Variants in MYBPC1 observed in about 807,000 individuals in gnomAD.
MYBPC1 encodes myosin-binding protein C, slow-type.
MYBPC1 carries 52 observed loss-of-function variants against 147.1 expected under a neutral mutation model. That is an observed-to-expected ratio of 0.35 (90% CI 0.28 to 0.45). The LOEUF (loss-of-function observed/expected upper bound fraction) is 0.45. MYBPC1 is among the 20% of genes least tolerant of loss of function. MYBPC1 has a pLI of 1.00. For synonymous variants in MYBPC1, 477 were observed against 475.9 expected (o/e 1.00, Z -0.03); for missense variants, 1,228 against 1,440.3 (o/e 0.85, Z 2.39).
intron 14 of MYBPC1, among the ~76,000 whole-genome samples, chr12:101,648,367 C>T (rs1179593150): frequency 2.0e-5 from 3 of 152,152 alleles, no homozygotes; most frequent in South Asian, 2.1e-4. Context: ...TGGGTAAGCA[C>T]GTAGGGAAGT....
At position 101,662,380 on chromosome 12, in the gene MYBPC1, G is replaced by A. The variant is rs1896720486; in HGVS notation, c.2055G>A (p.Lys685=). The A allele has an allele frequency of 7.4e-6, 12 of 1,614,036 alleles. No homozygotes were observed. Among genetic ancestry groups the A allele is most frequent in the Non-Finnish European group, 1.0e-5 (12 of 1,180,022 alleles). Residue 685 remains lysine, a synonymous_variant, in exon 21 of 32, where the codon AAG becomes AAA. Coordinates refer to ENST00000361466, the MANE Select transcript of MYBPC1 (RefSeq NM_002465.4). ...PILGYFIERK[K]KQSSRWMRLN... ...CAGGATATTTTATTGAGAGGAAGAA[G>A]AAACAAAGCTCCAGGTGGATGAGGC...
intron 3 of MYBPC1, 152 bp downstream of exon 3, chr12:101,617,395 T>C: frequency 2.7e-6 from 2 of 744,562 alleles, no homozygotes; most frequent in Non-Finnish European, 4.6e-6. Flanking sequence ...ATCAGTATAA[T>C]GACAAATGGT....
At chr12:101,607,915 A>G (rs1481533942) in intron 1 of MYBPC1, among the ~76,000 whole-genome samples, 1 of 152,238 alleles carries the variant, frequency 6.6e-6, no homozygotes, top group Non-Finnish European at 1.5e-5. Flanking sequence ...GATCATTGAA[A>G]ATAGAAATGG....
chr12:101,667,732 C>T lies in MYBPC1; in HGVS notation c.2357C>T (p.Thr786Ile). The change falls in exon 23 of 32, where the codon ACT becomes ATT. Residue 786 changes from threonine to isoleucine, a missense_variant and splice_region_variant. Transcript: ENST00000361466. The part of the protein sequence containing the change: ...GYVLEYCFEG[T>I]EDWIVANKDL... ...TTTCCTTTTCTTTTACGGACTTCAG[C>T]TGAGGACTGGATAGTTGCAAACAAA... is the stretch of plus-strand genomic sequence containing the variant. The T allele has an allele frequency of 6.2e-7, 1 of 1,614,132 alleles. No homozygotes were observed. The highest frequency in any genetic ancestry group is 8.5e-7 in the Non-Finnish European group (1 of 1,180,018).
chr12:101,621,015 T>C (rs1887248330), intron 3 of MYBPC1, among the ~76,000 whole-genome samples: 1 of 152,154 alleles, frequency 6.6e-6, no homozygotes, highest in Non-Finnish European at 1.5e-5. Context: ...GATGAGGAAG[T>C]GAGTCAGCAG....
chr12:101,687,081 A>G (rs780025375), downstream of MYBPC1, among the ~76,000 whole-genome samples: 1 of 151,694 alleles, frequency 6.6e-6, no homozygotes, highest in Non-Finnish European at 1.5e-5. Context: ...ATATATATAT[A>G]TTTTTATTAT....
At chr12:101,658,809 G>A (rs1392661960) in intron 18 of MYBPC1, among the ~76,000 whole-genome samples, 1 of 152,210 alleles carries the variant, frequency 6.6e-6, no homozygotes, top group Non-Finnish European at 1.5e-5. Context: ...TTCTTACTGT[G>A]ATCACAATCT....
chr12:101,636,804 A>T, intron 10 of MYBPC1, 76 bp downstream of exon 10: 1 of 1,199,326 alleles, frequency 8.3e-7, no homozygotes, highest in Non-Finnish European at 1.2e-6. Flanking sequence ...GTCAAGTTTA[A>T]AGTGGATGTT....
chr12:101,682,696 C>T, intron 30 of MYBPC1, 34 bp downstream of exon 30: 1 of 1,558,442 alleles, frequency 6.4e-7, no homozygotes, highest in Non-Finnish European at 8.8e-7. Context: ...GGATATTCTA[C>T]TTTCCGTTCC....
At chr12:101,626,149 A>G (rs548735867) in intron 3 of MYBPC1, among the ~76,000 whole-genome samples, 10 of 150,352 alleles carry the variant, frequency 6.7e-5, no homozygotes, top group Admixed American at 6.6e-4. Context: ...TCAATTAGGT[A>G]GGCTGACTAA....
chr12:101,676,643 C>T (rs113806883), intron 26 of MYBPC1, among the ~76,000 whole-genome samples: 7,839 of 151,556 alleles, frequency 0.052, 231 homozygotes, highest in South Asian at 0.15. Flanking sequence ...CCCAGTTACT[C>T]GGGAGGCTGA....
intron 18 of MYBPC1, among the ~76,000 whole-genome samples, chr12:101,659,466 T>A (rs1024914995): frequency 6.6e-6 from 1 of 152,194 alleles, no homozygotes; most frequent in Admixed American, 6.5e-5. Flanking sequence ...TAATACCTTG[T>A]CATTAGAGTT....
chr12:101,646,906 A>C lies in MYBPC1; in HGVS notation c.1090+19A>C. The C allele has an allele frequency of 6.2e-7, 1 of 1,613,920 alleles. No homozygotes were observed. Among genetic ancestry groups the C allele is most frequent in the Non-Finnish European group, 8.5e-7 (1 of 1,179,816 alleles). ...GTAAGAGGTAAAAATGAAATCTCTT[A>C]TTGTGGTCACCAGGAGCTGTTGGCT... On this transcript the variant is annotated intron_variant, in intron 13 of 31. Coordinates refer to ENST00000361466, the MANE Select transcript of MYBPC1 (RefSeq NM_002465.4).
chr12:101,667,195 A>T (rs1039506200), intron 22 of MYBPC1, among the ~76,000 whole-genome samples: 2 of 152,244 alleles, frequency 1.3e-5, no homozygotes, highest in African/African-American at 4.8e-5. Context: ...TCTTTGTGAA[A>T]TAAGCTTTTT....
At chr12:101,679,274 G>A (rs147273974) in intron 28 of MYBPC1, among the ~76,000 whole-genome samples, 1 of 152,358 alleles carries the variant, frequency 6.6e-6, no homozygotes, top group African/African-American at 2.4e-5. Flanking sequence ...GAAGCAGATG[G>A]AGAGGTTCAC....
intron 1 of MYBPC1, among the ~76,000 whole-genome samples, chr12:101,599,196 T>C (rs1878781774): frequency 6.6e-6 from 1 of 152,174 alleles, no homozygotes; most frequent in Non-Finnish European, 1.5e-5. Flanking sequence ...AGCAAAGGCA[T>C]GGCTTTGTTA....
intron 28 of MYBPC1, 148 bp downstream of exon 28, chr12:101,678,386 G>A (rs946733485): frequency 4.2e-6 from 5 of 1,188,120 alleles, no homozygotes; most frequent in African/African-American, 3.0e-5. Context: ...AGATTATTAG[G>A]CACACTATTC....
At chr12:101,643,085 A>G (rs1203928352) in intron 11 of MYBPC1, among the ~76,000 whole-genome samples, 1 of 152,196 alleles carries the variant, frequency 6.6e-6, no homozygotes, top group East Asian at 1.9e-4. Context: ...AAAAGGAGAG[A>G]AAGGAATACA....
chr12:101,623,397 C>G (rs1887879518), intron 3 of MYBPC1, among the ~76,000 whole-genome samples: 1 of 152,136 alleles, frequency 6.6e-6, no homozygotes, highest in Non-Finnish European at 1.5e-5. Flanking sequence ...ATGTAACAAA[C>G]CATCACATGT....
Sources: gnomAD v4.1 joint callset for allele counts (sites outside exome capture counted in the v4.1 genomes callset) on GRCh38, gnomAD v4.1.1 for gene constraint, MANE v1.5 for transcripts, NCBI Gene and HGNC (gene_info 2026-07-23, HGNC 2026-07-21) for gene names.